VPS13B: variants seen among roughly 807,000 people sequenced by gnomAD.
VPS13B encodes intermembrane lipid transfer protein VPS13B.
A neutral mutation model predicts 426.4 loss-of-function variants in VPS13B; 285 were observed. That is an observed-to-expected ratio of 0.67 (90% CI 0.61 to 0.74). VPS13B has a LOEUF of 0.74. Among genes scored for constraint, VPS13B ranks in the 30% least tolerant of loss-of-function variants. The probability of loss-of-function intolerance (pLI) is 0.00; values close to 1 mark genes in which losing one functional copy is unlikely to be tolerated. For synonymous variants in VPS13B, 1,676 were observed against 1,676.4 expected (o/e 1.00, Z 0.01); for missense variants, 4,537 against 4,782.6 (o/e 0.95, Z 1.51).
intron 40 of VPS13B, among the ~76,000 whole-genome samples, chr8:99,769,906 C>A (rs1811397148): frequency 6.6e-6 from 1 of 152,150 alleles, no homozygotes. Flanking sequence ...CATCTATAAT[C>A]CCTGCACTTT....
intron 51 of VPS13B, among the ~76,000 whole-genome samples, chr8:99,828,518 A>G (rs1429957974): frequency 6.7e-6 from 1 of 149,078 alleles, no homozygotes; most frequent in Admixed American, 6.8e-5. Flanking sequence ...GGTCTCCTGA[A>G]TACAGCACAC....
chr8:99,533,229 G>A lies in VPS13B; in HGVS notation c.4745+12219G>A, dbSNP rs530448974. 7.0e-4 allele frequency among the ~76,000 whole-genome samples: 106 copies of A among 152,148 alleles called. 1 individual carries two copies. Among genetic ancestry groups the A allele is most frequent in the African/African-American group, 1.8e-3 (76 of 41,500 alleles). Reference sequence around the variant, plus strand: ...GCTAGGATTACAGGCATGAGCCGTCGTACCTGGCCAATTTACTGAGATTTT... The same window carrying A: ...GCTAGGATTACAGGCATGAGCCGTCATACCTGGCCAATTTACTGAGATTTT... On this transcript the variant is annotated intron_variant, in intron 30 of 61. Coordinates refer to ENST00000357162, the MANE Select transcript of VPS13B (RefSeq NM_152564.5).
rs550186144 is a variant in VPS13B, at chr8:99,424,107, A to G, written c.3083-7430A>G. Among the ~76,000 whole-genome samples the G allele has an allele frequency of 3.9e-5, 6 of 152,234 alleles. No individual in the cohort carries two copies. The East Asian group carries it at 1.2e-3, about 29-fold the overall frequency. ...CTGTGTGCTCCTGTATTGGGTGCAT[A>G]TATATTTAGGATAGTTAGCTCTTAT... On this transcript the variant is annotated intron_variant, in intron 21 of 61. Coordinates refer to ENST00000357162, the MANE Select transcript of VPS13B (RefSeq NM_152564.5).
chr8:99,241,476 A>G (rs1342238431), intron 17 of VPS13B: 1 of 152,202 alleles, frequency 6.6e-6, no homozygotes, highest in Non-Finnish European at 1.5e-5. Flanking sequence ...AATTTATATA[A>G]TTACTTGACT....
At chr8:99,044,917 G>A (rs1021863856) in intron 3 of VPS13B, among the ~76,000 whole-genome samples, 1 of 143,568 alleles carries the variant, frequency 7.0e-6, no homozygotes, top group South Asian at 2.2e-4. Flanking sequence ...CGCCCCCACG[G>A]TTTCTTTATC....
Position 99,193,123 on chromosome 8 carries a change from A to G in VPS13B, c.2515+66A>G. The G allele has an allele frequency of 2.0e-6, 3 of 1,490,018 alleles. No individual in the cohort carries two copies. The South Asian group carries it at 3.4e-5, about 17-fold the overall frequency. 92.3% of individuals were successfully genotyped at this position (1,490,018 alleles called of 1,614,324 possible). A position where few individuals can be genotyped will look rare whatever the true frequency, so the allele number is the denominator to read the frequency against. On this transcript the variant is annotated intron_variant, in intron 17 of 61. Transcript: ENST00000357162. ...TGTTAGAGGCAACTAATATTTTATT[A>G]TGAAAATCCATATGTCTAGCATGGT...
At chr8:99,464,815 CATT>C (rs1819027775) in intron 23 of VPS13B, among the ~76,000 whole-genome samples, 1 of 152,046 alleles carries the variant, frequency 6.6e-6, no homozygotes, top group Non-Finnish European at 1.5e-5. Context: ...CTTTCTTTCA[CATT>C]ATTTGGTCTG....
At chr8:99,215,580 T>A (rs1216338630) in intron 17 of VPS13B, among the ~76,000 whole-genome samples, 1 of 152,186 alleles carries the variant, frequency 6.6e-6, no homozygotes, top group Admixed American at 6.5e-5. Context: ...AACTCATGCA[T>A]GTGATTCCTT....
intron 14 of VPS13B, among the ~76,000 whole-genome samples, chr8:99,149,998 G>A (rs1212366101): frequency 1.3e-5 from 2 of 152,148 alleles, no homozygotes; most frequent in African/African-American, 4.8e-5. Context: ...AAAGGTTGGT[G>A]TCCGCTGACA....
At position 99,577,191 on chromosome 8, in the gene VPS13B, A is replaced by G. The variant is rs75686766; in HGVS notation, c.5077-299A>G. 2.7e-3 allele frequency among the ~76,000 whole-genome samples: 409 copies of G among 152,314 alleles called. 11 individuals carry two copies. The East Asian group carries it at 0.041, about 15-fold the overall frequency. ...ATATTGTTGCTACATATTGAAAACA[A>G]TAATAATAGTTGGAGTTATGGAAAA... On this transcript the variant is annotated intron_variant, in intron 32 of 61. Coordinates refer to ENST00000357162, the MANE Select transcript of VPS13B (RefSeq NM_152564.5).
intron 21 of VPS13B, among the ~76,000 whole-genome samples, chr8:99,416,246 A>G (rs534398062): frequency 1.4e-4 from 21 of 152,222 alleles, no homozygotes; most frequent in African/African-American, 5.1e-4. Context: ...AAGCCTCAGT[A>G]AGGGTGGATG....
chr8:99,690,094 A>G (rs1032987271), intron 35 of VPS13B, among the ~76,000 whole-genome samples: 2 of 152,202 alleles, frequency 1.3e-5, no homozygotes, highest in Non-Finnish European at 2.9e-5. Context: ...AAGCCCACAT[A>G]CAGGGATGCA....
chr8:99,814,160 T>C (rs775311310), intron 44 of VPS13B, among the ~76,000 whole-genome samples: 14 of 152,120 alleles, frequency 9.2e-5, no homozygotes, highest in Non-Finnish European at 1.6e-4. Context: ...ATAATAATAA[T>C]AGTTCATTTA....
At chr8:99,124,775 G>A (rs1030078211) in intron 8 of VPS13B, among the ~76,000 whole-genome samples, 10 of 151,432 alleles carry the variant, frequency 6.6e-5, no homozygotes, top group East Asian at 5.8e-4. Context: ...CCAGCTACTC[G>A]GGAGGCTGAG....
At chr8:99,670,803 C>T (rs370135489) in intron 35 of VPS13B, among the ~76,000 whole-genome samples, 66 of 152,156 alleles carry the variant, frequency 4.3e-4, no homozygotes, top group Middle Eastern at 3.4e-3. Flanking sequence ...TTGTCTCAAA[C>T]GGCAGGATTT....
At position 99,876,113 on chromosome 8, in the gene VPS13B, C is replaced by CCAT; in HGVS notation, c.*451_*453dup. ...TTGGGTCTATTATTAACTCTCTGTT[C>CCAT]CATCATAGAATGTGGCCAGGCCTTA... On this transcript the variant is annotated 3_prime_UTR_variant, in exon 62 of 62. Coordinates refer to ENST00000357162, the MANE Select transcript of VPS13B (RefSeq NM_152564.5). The CCAT allele has an allele frequency of 5.0e-6, 1 of 201,062 alleles. No individual in the cohort carries two copies. Among genetic ancestry groups the CCAT allele is most frequent in the East Asian group, 1.2e-4 (1 of 8,110 alleles). 12.5% of individuals were successfully genotyped at this position (201,062 alleles called of 1,614,324 possible). A position where few individuals can be genotyped will look rare whatever the true frequency, so the allele number is the denominator to read the frequency against.
At chr8:99,068,220 A>C (rs1844649384) in intron 3 of VPS13B, among the ~76,000 whole-genome samples, 1 of 152,178 alleles carries the variant, frequency 6.6e-6, no homozygotes, top group South Asian at 2.1e-4. Flanking sequence ...TCTTCTTTCC[A>C]GTACTTTTGC....
Position 99,311,873 on chromosome 8 carries a change from G to A in VPS13B, c.2824+36619G>A, listed in dbSNP as rs556850645. 5.9e-5 allele frequency among the ~76,000 whole-genome samples: 9 copies of A among 152,232 alleles called. No individual in the cohort carries two copies. In the East Asian group the frequency reaches 1.2e-3, roughly 20 times the overall value. Reference sequence around the variant, plus strand: ...GTGCTCCTGTATTGGGTGCATATATGATTAGGGTAGTTTGCTCTTCTTGTT... The same window carrying A: ...GTGCTCCTGTATTGGGTGCATATATAATTAGGGTAGTTTGCTCTTCTTGTT... On this transcript the variant is annotated intron_variant, in intron 19 of 61. Transcript: ENST00000357162.
At chr8:99,797,626 C>G (rs1052522726) in intron 43 of VPS13B, among the ~76,000 whole-genome samples, 4 of 152,154 alleles carry the variant, frequency 2.6e-5, no homozygotes, top group African/African-American at 9.7e-5. Flanking sequence ...ACACCCCTCC[C>G]CTTTTCCCAT....
Sources: gnomAD v4.1 joint callset for allele counts (sites outside exome capture counted in the v4.1 genomes callset) on GRCh38, gnomAD v4.1.1 for gene constraint, MANE v1.5 for transcripts, NCBI Gene and HGNC (gene_info 2026-07-23, HGNC 2026-07-21) for gene names.